PDZRN4: variants seen among roughly 807,000 people sequenced by gnomAD.
PDZRN4 encodes the protein PDZ domain-containing RING finger protein 4.
PDZRN4 carries 70 observed loss-of-function variants against 99.0 expected under a neutral mutation model. The ratio of observed to expected loss-of-function variants is 0.71; its 90% CI spans 0.58 to 0.86. The LOEUF (loss-of-function observed/expected upper bound fraction) is 0.86, where lower values mean the gene tolerates loss of function less well. Ranked by LOEUF, PDZRN4 falls within the 40% of genes least tolerant of loss-of-function variation. PDZRN4 has a pLI of 0.00. For missense variants in PDZRN4, 1,474 were observed against 1,331.2 expected, an observed-to-expected ratio of 1.11 and a Z score of -1.67; for synonymous variants, 551 against 501.6, an observed-to-expected ratio of 1.10 and a Z score of -1.32.
At chr12:41,499,688 C>A (rs1311556885) in intron 3 of PDZRN4, among the ~76,000 whole-genome samples, 1 of 152,006 alleles carries the variant, frequency 6.6e-6, no homozygotes, top group Non-Finnish European at 1.5e-5. Flanking sequence ...GGTTCAGGAA[C>A]AGTTTGGATA....
At chr12:41,424,651 G>A (rs935068663) in intron 3 of PDZRN4, among the ~76,000 whole-genome samples, 2 of 103,546 alleles carry the variant, frequency 1.9e-5, no homozygotes, top group Non-Finnish European at 3.9e-5. Flanking sequence ...CTATGCTGGG[G>A]CAACAGTCTT....
At chr12:41,312,568 G>T (rs1307433058) in intron 3 of PDZRN4, among the ~76,000 whole-genome samples, 1 of 152,168 alleles carries the variant, frequency 6.6e-6, no homozygotes, top group Non-Finnish European at 1.5e-5. Flanking sequence ...GGCTGGGGAG[G>T]CTTCACAACT....
chr12:41,252,114 T>TTAAATAAA (rs111411007), intron 3 of PDZRN4, among the ~76,000 whole-genome samples: 3,321 of 149,154 alleles, frequency 0.022, 81 homozygotes, highest in East Asian at 0.12. Context: ...AGACCCTGTT[T>TTAAATAAA]TAAATAAATA....
chr12:41,419,335 T>G (rs2120402713), intron 3 of PDZRN4, among the ~76,000 whole-genome samples: 1 of 152,294 alleles, frequency 6.6e-6, no homozygotes, highest in Middle Eastern at 3.4e-3. Context: ...AGTTGGTGTG[T>G]TAGTGTGCTA....
At chr12:41,416,212 C>G (rs1446998950) in intron 3 of PDZRN4, among the ~76,000 whole-genome samples, 1 of 152,188 alleles carries the variant, frequency 6.6e-6, no homozygotes, top group Non-Finnish European at 1.5e-5. Flanking sequence ...TGTAGACATA[C>G]ATCCACTGTA....
At chr12:41,450,256 T>C (rs1282140140) in intron 3 of PDZRN4, among the ~76,000 whole-genome samples, 1 of 152,158 alleles carries the variant, frequency 6.6e-6, no homozygotes, top group Non-Finnish European at 1.5e-5. Context: ...GTTTGAACCA[T>C]GAAAAATATA....
chr12:41,269,842 A>T (rs1002121218), intron 3 of PDZRN4, among the ~76,000 whole-genome samples: 7 of 152,220 alleles, frequency 4.6e-5, no homozygotes, highest in Non-Finnish European at 7.3e-5. Flanking sequence ...CCTGTGGGTT[A>T]TCCTTGGGGA....
In PDZRN4 at chr12:41,242,118, A is replaced by G. The variant is rs900424555; in HGVS notation, c.843+47930A>G. ...CCTGCAAGATTTTTCAGCTTATCCA[A>G]CTCTTGAGCCAGGTATGTGTTTAAC... On this transcript the variant is annotated intron_variant, in intron 3 of 9. Transcript: ENST00000402685. Among the ~76,000 whole-genome samples, 5 of 152,134 alleles carry G rather than the reference A, an allele frequency of 3.3e-5. No homozygotes were observed. In the South Asian group the frequency reaches 8.3e-4, roughly 25 times the overall value.
At chr12:41,410,780 C>T (rs554537876) in intron 3 of PDZRN4, among the ~76,000 whole-genome samples, 83 of 152,186 alleles carry the variant, frequency 5.5e-4, no homozygotes, top group African/African-American at 1.5e-3. Context: ...CATAACATGA[C>T]GAAATGCCTT....
At chr12:41,284,161 T>C (rs11180626) in intron 3 of PDZRN4, among the ~76,000 whole-genome samples, 1 of 152,160 alleles carries the variant, frequency 6.6e-6, no homozygotes, top group African/African-American at 2.4e-5. Flanking sequence ...TTCAGCAATG[T>C]CTCAGCATAC....
Position 41,349,524 on chromosome 12 carries a change from A to T in PDZRN4, c.843+155336A>T, listed in dbSNP as rs12582597. Among the ~76,000 whole-genome samples the T allele has an allele frequency of 2.6e-5, 4 of 151,970 alleles. No homozygotes were observed. The East Asian group carries it at 7.7e-4, about 29-fold the overall frequency. On this transcript the variant is annotated intron_variant, in intron 3 of 9. Transcript: ENST00000402685. The stretch of plus-strand genomic sequence containing the variant: ...TAAAATAGGTTATTGAGATAAATAA[A>T]TATTAATTTATTAGGCTTTATGTAA...
chr12:41,453,990 T>C (rs1265803391), intron 3 of PDZRN4, among the ~76,000 whole-genome samples: 2 of 136,368 alleles, frequency 1.5e-5, no homozygotes, highest in African/African-American at 5.7e-5. Flanking sequence ...GGGATTGTTT[T>C]GGTGAATTCT....
intron 3 of PDZRN4, among the ~76,000 whole-genome samples, chr12:41,292,017 G>T (rs1951459710): frequency 6.6e-6 from 1 of 152,210 alleles, no homozygotes; most frequent in African/African-American, 2.4e-5. Context: ...CACCCAGGTT[G>T]TGTTTGGCAG....
intron 5 of PDZRN4, among the ~76,000 whole-genome samples, chr12:41,530,762 G>A (rs377067158): frequency 2.6e-5 from 4 of 152,246 alleles, no homozygotes; most frequent in Admixed American, 6.5e-5. Flanking sequence ...GGGCATGATC[G>A]GACTTATGAT....
At chr12:41,291,508 AT>A (rs1414320622) in intron 3 of PDZRN4, among the ~76,000 whole-genome samples, 3 of 152,160 alleles carry the variant, frequency 2.0e-5, no homozygotes, top group Non-Finnish European at 4.4e-5. Flanking sequence ...TTTCTGGAAA[AT>A]TTGAAAGTAC....
intron 3 of PDZRN4, among the ~76,000 whole-genome samples, chr12:41,492,195 T>C (rs1184933098): frequency 6.6e-6 from 1 of 151,524 alleles, no homozygotes; most frequent in Non-Finnish European, 1.5e-5. Context: ...TTAAAACATC[T>C]GTAAAAAGTA....
chr12:41,217,191 G>T (rs138591637), intron 3 of PDZRN4, among the ~76,000 whole-genome samples: 197 of 152,194 alleles, frequency 1.3e-3, no homozygotes, highest in African/African-American at 4.5e-3. Flanking sequence ...AGCAGCTCCT[G>T]AAGTAGAGGC....
chr12:41,310,992 C>G (rs1457163197), intron 3 of PDZRN4, among the ~76,000 whole-genome samples: 2 of 152,168 alleles, frequency 1.3e-5, no homozygotes, highest in East Asian at 3.9e-4. Context: ...AGGTCTCCTG[C>G]TAATAATGCA....
At position 41,573,292 on chromosome 12, in the gene PDZRN4, A is replaced by G. The variant is rs751971248; in HGVS notation, c.2513A>G (p.Tyr838Cys). Residue 838 changes from tyrosine to cysteine, a missense_variant, in exon 10 of 10, where the codon TAT (tyrosine) becomes TGT (cysteine). By Grantham distance (194) the Tyr-to-Cys change is radical. Coordinates refer to ENST00000402685, the MANE Select transcript of PDZRN4 (RefSeq NM_001164595.2). ...PYLSPYHSSSYRYANIPAHAR... is the reference protein window; with the variant it reads ...PYLSPYHSSSCRYANIPAHAR... ...CTCTCTCCTTACCACAGCTCCTCAT[A>G]TAGATATGCAAACATCCCAGCACAC... 2 of 1,613,644 alleles carry G rather than the reference A, an allele frequency of 1.2e-6. No homozygotes were observed. The highest frequency in any genetic ancestry group is 1.1e-5 in the South Asian group (1 of 91,080).
Sources: allele counts gnomAD v4.1 joint callset (sites outside exome capture counted in the v4.1 genomes callset), GRCh38; gene constraint gnomAD v4.1.1; transcripts MANE v1.5; gene names NCBI Gene and HGNC (gene_info 2026-07-23, HGNC 2026-07-21).